SYMPK: variants seen among roughly 807,000 people sequenced by gnomAD.
SYMPK encodes the protein symplekin.
In SYMPK, 49 loss-of-function variants were observed where a neutral mutation model predicts 136.4. That is an observed-to-expected ratio of 0.36 (90% CI 0.29 to 0.46). The LOEUF is 0.46. SYMPK is among the 20% of genes least tolerant of loss of function. The pLI, the probability that SYMPK is intolerant of heterozygous loss-of-function variation, is 1.00. For missense variants in SYMPK, 1,365 were observed against 1,690.0 expected (o/e 0.81, Z 3.37); for synonymous variants, 766 against 713.0 (o/e 1.07, Z -1.19).
chr19:45,834,111 C>G (rs551812520), intron 11 of SYMPK, among the ~76,000 whole-genome samples: 8 of 152,178 alleles, frequency 5.3e-5, no homozygotes, highest in African/African-American at 1.7e-4. Flanking sequence ...GACGGTGAAA[C>G]CCCCGTCTCT....
intron 12 of SYMPK, chr19:45,831,026 C>G (rs150842264): frequency 5.7e-6 from 1 of 174,990 alleles, no homozygotes; most frequent in East Asian, 1.5e-4. Flanking sequence ...ACAGGAACCA[C>G]GCGAAATGCT....
At chr19:45,839,117 G>T (rs1343340129) in intron 9 of SYMPK, among the ~76,000 whole-genome samples, 1 of 152,066 alleles carries the variant, frequency 6.6e-6, no homozygotes, top group Non-Finnish European at 1.5e-5. Context: ...TCAAATTTCT[G>T]ACCTCAGGTG....
chr19:45,858,342 G>T (rs1971882390), intron 1 of SYMPK, among the ~76,000 whole-genome samples: 1 of 151,954 alleles, frequency 6.6e-6, no homozygotes, highest in South Asian at 2.1e-4. Context: ...ACCCACTCTG[G>T]CCTCCTCGCT....
intron 9 of SYMPK, 24 bp downstream of exon 9, chr19:45,842,226 C>T (rs1208599035): frequency 3.7e-6 from 6 of 1,613,236 alleles, no homozygotes; most frequent in Non-Finnish European, 5.1e-6. Flanking sequence ...GGTCTGCCTG[C>T]CCCACCCCAC....
chr19:45,840,298 G>C lies in SYMPK; in HGVS notation c.1088-1683C>G, dbSNP rs572572225. Among the ~76,000 whole-genome samples, 53 of 119,592 alleles carry C rather than the reference G, an allele frequency of 4.4e-4. 2 individuals carry two copies. In the South Asian group the frequency reaches 0.015, roughly 34 times the overall value. The allele number at this position is 119,592 out of a possible 152,430, so 78.5% of individuals were successfully genotyped here. A position where few individuals can be genotyped will look rare whatever the true frequency, so the allele number is the denominator to read the frequency against. On this transcript the variant is annotated intron_variant, in intron 9 of 26. Coordinates refer to ENST00000245934, the MANE Select transcript of SYMPK (RefSeq NM_004819.3). ...CCACTGTACTCCAGCCTGGGTGACA[G>C]AGCGAGACTGTCTCAAAAAAAAAAA... is the stretch of plus-strand genomic sequence containing the variant.
At position 45,816,962 on chromosome 19, in the gene SYMPK, G is replaced by A. The variant is rs1347909992; in HGVS notation, c.3094C>T (p.Pro1032Ser). The change falls in exon 24 of 27, where the codon CCC becomes TCC. Residue 1032 changes from proline to serine, a missense_variant. Physicochemically the swap from Pro to Ser is moderately conservative, Grantham distance 74. Around this residue, in one of 11 missense-constraint regions of SYMPK, gnomAD observed 156 missense variants for 217.8 expected, o/e 0.72. Coordinates refer to ENST00000245934, the MANE Select transcript of SYMPK (RefSeq NM_004819.3). The stretch of plus-strand genomic sequence containing the variant: ...TTGATGAAGCCCTCCCACACCTTGG[G>A]GTACTTCCACACCTGAACCAGGGAG... ...RLIMKQVWKY[P>S]KVWEGFIKCC... The A allele has an allele frequency of 2.6e-6, 4 of 1,561,004 alleles. No individual in the cohort carries two copies. In the African/African-American group the frequency reaches 4.1e-5, roughly 16 times the overall value.
At chr19:45,833,721 G>A (rs1971238614) in intron 11 of SYMPK, among the ~76,000 whole-genome samples, 1 of 152,254 alleles carries the variant, frequency 6.6e-6, no homozygotes, top group Admixed American at 6.5e-5. Context: ...GAAGAACAAG[G>A]AGGAAATTTC....
intron 3 of SYMPK, 34 bp downstream of exon 3, chr19:45,854,141 C>T (rs769419447): frequency 6.8e-6 from 11 of 1,610,186 alleles, no homozygotes; most frequent in Admixed American, 6.7e-5. Context: ...CTCCCTTTCA[C>T]CTGCTCAGCC....
chr19:45,826,122 C>T (rs533687057), intron 17 of SYMPK, 104 bp downstream of exon 17: 107 of 1,486,976 alleles, frequency 7.2e-5, no homozygotes, highest in Non-Finnish European at 8.7e-5. Flanking sequence ...TGCCCATTCC[C>T]GTCACTCGTG....
At chr19:45,826,098 G>A in intron 17 of SYMPK, 128 bp downstream of exon 17, 1 of 1,386,834 alleles carries the variant, frequency 7.2e-7, no homozygotes, top group Non-Finnish European at 9.8e-7. Context: ...GCCCCCAGGT[G>A]GCTGTCCCAG....
Position 45,831,364 on chromosome 19 carries a change from G to C in SYMPK, c.1598+20C>G, listed in dbSNP as rs1031579516. On this transcript the variant is annotated intron_variant, in intron 12 of 26. Transcript: ENST00000245934. Reference sequence around the variant, plus strand: ...AGGGTAGGGCTCCTGTCCTGCCCTAGCACCCAGAAGAGGACTCACCGGGGC... The same window carrying C: ...AGGGTAGGGCTCCTGTCCTGCCCTACCACCCAGAAGAGGACTCACCGGGGC... 2 of 1,512,990 alleles carry C rather than the reference G, an allele frequency of 1.3e-6. No homozygotes were observed. The highest frequency in any genetic ancestry group is 1.8e-6 in the Non-Finnish European group (2 of 1,127,136). The allele number at this position is 1,512,990 out of a possible 1,614,324, so 93.7% of individuals were successfully genotyped here. A position where few individuals can be genotyped will look rare whatever the true frequency, so the allele number is the denominator to read the frequency against.
rs564264351 is a variant in SYMPK, at chr19:45,815,690, G to T, written c.3695C>A (p.Ala1232Glu). Reference sequence around the variant, plus strand: ...CTCCTTCAAGGTCAGCCCGCCCGCTGCCGTCTCCTGGTGACCGGGGAAGGA... The same window carrying T: ...CTCCTTCAAGGTCAGCCCGCCCGCTTCCGTCTCCTGGTGACCGGGGAAGGA... ...SLEGPLPKET[A>E]AGGLTLKEER... is the part of the protein sequence containing the mutation. The change falls in exon 27 of 27, where the codon GCA becomes GAA. Residue 1232 changes from alanine (A) to glutamate (E), a missense_variant. This residue lies in a region of SYMPK where 341 missense variants were observed against 270.5 expected (regional missense o/e 1.26). Transcript: ENST00000245934. The T allele has an allele frequency of 2.0e-5, 32 of 1,609,642 alleles. No homozygotes were observed. In the East Asian group the frequency reaches 6.3e-4, roughly 31 times the overall value.
intron 14 of SYMPK, chr19:45,828,306 G>A (rs1971093880): frequency 4.3e-6 from 1 of 234,032 alleles, no homozygotes; most frequent in Admixed American, 5.2e-5. Context: ...CACACATAGA[G>A]TTGAGGGAAG....
In SYMPK at chr19:45,854,472, G is replaced by C. The variant is rs747620151; in HGVS notation, c.24C>G (p.Ser8Arg). The C allele has an allele frequency of 1.3e-5, 21 of 1,613,784 alleles. No individual in the cohort carries two copies. Among genetic ancestry groups the C allele is most frequent in the Non-Finnish European group, 1.7e-5 (20 of 1,180,020 alleles). The change falls in exon 2 of 27, where the codon AGC becomes AGG. Residue 8 changes from serine to arginine, a missense_variant. Physicochemically the swap from Ser to Arg is moderately radical, Grantham distance 110. Coordinates refer to ENST00000245934, the MANE Select transcript of SYMPK (RefSeq NM_004819.3). ...GTGATGCCACGCTCCGACGGGTGAC[G>C]CTGTCTCCACTGCCGCTCGCCATGG... is the stretch of plus-strand genomic sequence containing the variant. MASGSGD[S>R]VTRRSVASQF...
At chr19:45,856,477 G>A (rs1279020402) in intron 1 of SYMPK, among the ~76,000 whole-genome samples, 1 of 152,176 alleles carries the variant, frequency 6.6e-6, no homozygotes, top group Non-Finnish European at 1.5e-5. Flanking sequence ...CCTGAGGCAA[G>A]ACATTTAACT....
intron 23 of SYMPK, among the ~76,000 whole-genome samples, chr19:45,817,490 G>A (rs2146297039): frequency 7.1e-6 from 1 of 140,496 alleles, no homozygotes; most frequent in East Asian, 2.2e-4. Context: ...TGCAGTGAGT[G>A]GCGCGTTTCT....
rs537808156 is a variant in SYMPK, at chr19:45,854,297, C to T, written c.106-57G>A. 3.6e-5 allele frequency: 57 copies of T among 1,604,748 alleles called. No homozygotes were observed. The South Asian group carries it at 5.2e-4, about 15-fold the overall frequency. ...CCAGCCCAGTCCAGCCCAGTGCAGC[C>T]CCCTCGGCACTCCCAGGGCTCTGCC... On this transcript the variant is annotated intron_variant, in intron 2 of 26. Coordinates refer to ENST00000245934, the MANE Select transcript of SYMPK (RefSeq NM_004819.3).
intron 8 of SYMPK, 176 bp from the exon 9 acceptor site, chr19:45,842,665 G>A: frequency 5.2e-6 from 4 of 770,566 alleles, no homozygotes; most frequent in African/African-American, 1.7e-5. Flanking sequence ...TCAAACCCTG[G>A]GGGTCTCCAT....
chr19:45,819,485 ATCCT>A (rs1970839190), intron 22 of SYMPK: 1 of 152,522 alleles, frequency 6.6e-6, no homozygotes, highest in African/African-American at 2.4e-5. Context: ...CCGCCTACTC[ATCCT>A]TCCTTGGTCT....
Sources: gnomAD v4.1 joint callset for allele counts (sites outside exome capture counted in the v4.1 genomes callset) on GRCh38, gnomAD v4.1.1 for gene constraint, gnomAD v4.1.1 regional missense constraint, MANE v1.5 for transcripts, NCBI Gene and HGNC (gene_info 2026-07-23, HGNC 2026-07-21) for gene names.